Variants in MRC2 observed in about 807,000 individuals in gnomAD.
The protein encoded by MRC2 is mannose receptor C-type 2.
MRC2 carries 84 observed loss-of-function variants against 206.2 expected under a neutral mutation model. The ratio of observed to expected loss-of-function variants is 0.41; its 90% CI spans 0.34 to 0.49. MRC2 has a LOEUF of 0.49. MRC2 is among the 20% of genes least tolerant of loss of function. The pLI is 0.31. For synonymous variants in MRC2, 798 were observed against 800.0 expected, an observed-to-expected ratio of 1.00 and a Z score of 0.04; for missense variants, 1,676 against 2,001.5, an observed-to-expected ratio of 0.84 and a Z score of 3.10.
chr17:62,666,530 T>C lies in MRC2; in HGVS notation c.770T>C (p.Leu257Pro), dbSNP rs1261843325. The C allele has an allele frequency of 2.5e-6, 4 of 1,613,732 alleles. No individual in the cohort carries two copies. The highest frequency in any genetic ancestry group is 1.7e-5 in the Admixed American group (1 of 59,990). The change falls in exon 4 of 30, where the codon CTG (leucine) becomes CCG (proline). Residue 257 changes from leucine to proline, a missense_variant. Physicochemically the swap from Leu to Pro is moderately conservative, Grantham distance 98. Coordinates refer to ENST00000303375, the MANE Select transcript of MRC2 (RefSeq NM_006039.5). This position sits in a 1 kb window ranked among gnomAD's most constrained non-coding sequence, Gnocchi z 5.0. ...SCYQFNFQST[L>P]SWREAWASCE... ...TACCAGTTTAACTTCCAGTCCACGCTGTCGTGGAGGGAGGCCTGGGCCAGC... is the reference window on the plus strand; with the variant it reads ...TACCAGTTTAACTTCCAGTCCACGCCGTCGTGGAGGGAGGCCTGGGCCAGC...
At chr17:62,637,805 C>G (rs1377473673) in intron 1 of MRC2, among the ~76,000 whole-genome samples, 1 of 152,216 alleles carries the variant, frequency 6.6e-6, no homozygotes, top group Non-Finnish European at 1.5e-5. Flanking sequence ...GTCCCTCAAA[C>G]ACCTCCAGAG....
Position 62,667,014 on chromosome 17 carries a change from G to T in MRC2, c.973+144G>T, listed in dbSNP as rs578075742. ...ACCTCCACCCCCCTCCCCAGACTGC[G>T]CCCCCCTAGCCCATGTAGGGCGGCG... On this transcript the variant is annotated intron_variant, in intron 5 of 29. Coordinates refer to ENST00000303375, the MANE Select transcript of MRC2 (RefSeq NM_006039.5). This position sits in a 1 kb window ranked among gnomAD's most constrained non-coding sequence, Gnocchi z 4.1. The T allele has an allele frequency of 1.5e-6, 1 of 686,040 alleles. No individual in the cohort carries two copies. Among genetic ancestry groups the T allele is most frequent in the East Asian group, 2.7e-5 (1 of 36,634 alleles). The allele number at this position is 686,040 out of a possible 1,614,324, so 42.5% of individuals were successfully genotyped here.
chr17:62,676,910 C>T (rs2088899590), intron 11 of MRC2, among the ~76,000 whole-genome samples: 1 of 152,258 alleles, frequency 6.6e-6, no homozygotes, highest in South Asian at 2.1e-4. Flanking sequence ...TCTATCTGGA[C>T]TCATTTAAAA....
chr17:62,665,053 C>T, intron 2 of MRC2, 104 bp downstream of exon 2: 1 of 1,232,618 alleles, frequency 8.1e-7, no homozygotes, highest in South Asian at 1.5e-5. Context: ...CTCTGTGGAC[C>T]CTTGGCAGTC....
At chr17:62,658,932 G>A (rs2088649289) in intron 1 of MRC2, among the ~76,000 whole-genome samples, 1 of 152,158 alleles carries the variant, frequency 6.6e-6, no homozygotes, top group Admixed American at 6.5e-5. Flanking sequence ...GTGGCTGAAA[G>A]GTGACCTAGT....
intron 28 of MRC2, among the ~76,000 whole-genome samples, chr17:62,691,600 T>C (rs1489680004): frequency 6.6e-6 from 1 of 151,842 alleles, no homozygotes; most frequent in Non-Finnish European, 1.5e-5. Flanking sequence ...TGAAACCCCG[T>C]CTCTACCAAA....
intron 1 of MRC2, among the ~76,000 whole-genome samples, chr17:62,657,254 G>A (rs1351186047): frequency 6.6e-6 from 1 of 152,214 alleles, no homozygotes. Flanking sequence ...ACCATATGGT[G>A]ATAAGGGCTG....
At chr17:62,637,456 A>G (rs572409257) in intron 1 of MRC2, among the ~76,000 whole-genome samples, 1 of 152,140 alleles carries the variant, frequency 6.6e-6, no homozygotes, top group East Asian at 1.9e-4. Context: ...GAATCACTTG[A>G]ACCCTGGAGG....
intron 1 of MRC2, among the ~76,000 whole-genome samples, chr17:62,631,498 T>TG (rs759727577): frequency 6.6e-6 from 1 of 152,130 alleles, no homozygotes; most frequent in Non-Finnish European, 1.5e-5. Context: ...TTCCATCGCA[T>TG]GAAGCACTGT....
intron 12 of MRC2, 139 bp downstream of exon 12, chr17:62,677,625 C>T (rs1176775797): frequency 2.5e-5 from 18 of 725,612 alleles, no homozygotes; most frequent in South Asian, 1.7e-4. Context: ...TGAGACTTGT[C>T]CATGGAATCT....
At chr17:62,661,002 C>A (rs1472614041) in intron 1 of MRC2, among the ~76,000 whole-genome samples, 1 of 152,112 alleles carries the variant, frequency 6.6e-6, no homozygotes, top group Non-Finnish European at 1.5e-5. Flanking sequence ...GGTCACTTTA[C>A]GATTGGGAGG....
intron 12 of MRC2, among the ~76,000 whole-genome samples, chr17:62,677,774 G>A (rs1026069170): frequency 2.6e-5 from 4 of 152,210 alleles, no homozygotes; most frequent in Admixed American, 6.5e-5. Context: ...AATCTTGGCC[G>A]GGCGCAGTGG....
Position 62,687,406 on chromosome 17 carries a change from C to T in MRC2, c.2947-883C>T, listed in dbSNP as rs377447127. On this transcript the variant is annotated intron_variant, in intron 20 of 29. Coordinates refer to ENST00000303375, the MANE Select transcript of MRC2 (RefSeq NM_006039.5). ...AACTCCAGACCTCAGGTGATCCACC[C>T]GCCTTGGCCTCCCAAAGTGCTGGGA... Among the ~76,000 whole-genome samples, 44 of 152,284 alleles carry T rather than the reference C, an allele frequency of 2.9e-4. No homozygotes were observed. The Middle Eastern group carries it at 0.01, about 35-fold the overall frequency.
intron 1 of MRC2, among the ~76,000 whole-genome samples, chr17:62,628,945 C>T (rs1208949171): frequency 6.6e-6 from 1 of 152,190 alleles, no homozygotes; most frequent in Admixed American, 6.5e-5. Flanking sequence ...CAGACAGCCC[C>T]CTGGAGAGTC....
Position 62,689,042 on chromosome 17 carries a change from A to G in MRC2, c.3334+82A>G, listed in dbSNP as rs2089067967. 3 of 1,127,216 alleles carry G rather than the reference A, an allele frequency of 2.7e-6. No homozygotes were observed. In the East Asian group the frequency reaches 7.4e-5, roughly 28 times the overall value. The allele number at this position is 1,127,216 out of a possible 1,614,324, so 69.8% of individuals were successfully genotyped here. ...GCTGGGACCATGCCAGGAGGAAGGA[A>G]TCATGGTCCCTGGCAGAGCAGGGCT... is the stretch of plus-strand genomic sequence containing the variant. On this transcript the variant is annotated intron_variant, in intron 23 of 29. Coordinates refer to ENST00000303375, the MANE Select transcript of MRC2 (RefSeq NM_006039.5).
Position 62,689,932 on chromosome 17 carries a change from G to T in MRC2, c.3612G>T (p.Leu1204=). 6.2e-7 allele frequency: 1 copy of T among 1,608,696 alleles called. No individual in the cohort carries two copies. The highest frequency in any genetic ancestry group is 8.5e-7 in the Non-Finnish European group (1 of 1,178,426). ...ACTCCTGGGTCTCAGAGGAGCCGCTGAACTACGTGGGCTGGCAGGACGGGG... is the reference window on the plus strand; with the variant it reads ...ACTCCTGGGTCTCAGAGGAGCCGCTTAACTACGTGGGCTGGCAGGACGGGG... ...RRYSWVSEEP[L]NYVGWQDGEP... is the part of the protein sequence containing the mutation. Residue 1204 remains leucine (L), a synonymous_variant, in exon 25 of 30, where the codon CTG becomes CTT. Transcript: ENST00000303375.
At chr17:62,678,949 C>A (rs568552539) in intron 13 of MRC2, among the ~76,000 whole-genome samples, 2 of 152,160 alleles carry the variant, frequency 1.3e-5, no homozygotes, top group Non-Finnish European at 2.9e-5. Flanking sequence ...ATGTACCCCC[C>A]ACCCCATTGC....
chr17:62,693,236 A>C lies in MRC2; in HGVS notation c.*785A>C, dbSNP rs1446576398. ...AAGAGTCCCCTGTGGGGACCAAAAT[A>C]AGTTCCCTAACATCTCCAGCTCCTG... On this transcript the variant is annotated 3_prime_UTR_variant, in exon 30 of 30. Coordinates refer to ENST00000303375, the MANE Select transcript of MRC2 (RefSeq NM_006039.5). 1 of 152,370 alleles carries C rather than the reference A, an allele frequency of 6.6e-6. No homozygotes were observed. The highest frequency in any genetic ancestry group is 2.4e-5 in the African/African-American group (1 of 41,412). The allele number at this position is 152,370 out of a possible 1,614,324, so 9.4% of individuals were successfully genotyped here.
At chr17:62,640,162 C>G (rs774674471) in intron 1 of MRC2, among the ~76,000 whole-genome samples, 1 of 151,766 alleles carries the variant, frequency 6.6e-6, no homozygotes, top group African/African-American at 2.4e-5. Flanking sequence ...TGAGCCACCA[C>G]GCCTGGCCAG....
Sources: allele counts gnomAD v4.1 joint callset (sites outside exome capture counted in the v4.1 genomes callset), GRCh38; gene constraint gnomAD v4.1.1; non-coding constraint Gnocchi (gnomAD v3.1); transcripts MANE v1.5; gene names NCBI Gene and HGNC (gene_info 2026-07-23, HGNC 2026-07-21).